Variants in ALAD observed in about 807,000 individuals in gnomAD.
The protein encoded by ALAD is delta-aminolevulinic acid dehydratase.
A neutral mutation model predicts 44.4 loss-of-function variants in ALAD; 20 were observed. That is an observed-to-expected ratio of 0.45 (90% CI 0.32 to 0.65). The LOEUF (loss-of-function observed/expected upper bound fraction) is 0.65, where lower values mean the gene tolerates loss of function less well. ALAD is among the 30% of genes least tolerant of loss of function. The pLI is 0.05. For synonymous variants in ALAD, 156 were observed against 167.9 expected, an observed-to-expected ratio of 0.93 and a Z score of 0.55; for missense variants, 323 against 445.7, an observed-to-expected ratio of 0.72 and a Z score of 2.48.
intron 1 of ALAD, among the ~76,000 whole-genome samples, chr9:113,394,110 C>T (rs1040938163): frequency 1.3e-4 from 20 of 151,418 alleles, no homozygotes; most frequent in Non-Finnish European, 2.4e-4. Context: ...AGCTAATTTT[C>T]GAATTTTTTG....
intron 1 of ALAD, among the ~76,000 whole-genome samples, chr9:113,394,397 G>T (rs1168545735): frequency 6.6e-6 from 1 of 151,320 alleles, no homozygotes; most frequent in African/African-American, 2.4e-5. Context: ...AATCAGCCAG[G>T]TGTGGTGGTC....
At chr9:113,395,949 T>C (rs1827714631) in intron 1 of ALAD, among the ~76,000 whole-genome samples, 2 of 151,918 alleles carry the variant, frequency 1.3e-5, no homozygotes, top group Admixed American at 1.3e-4. Flanking sequence ...ATCCCAGCAC[T>C]TTGGGAGGCC....
Position 113,387,820 on chromosome 9 carries a change from TG to T in ALAD, c.*479del. The T allele has an allele frequency of 4.7e-6, 1 of 211,986 alleles. No homozygotes were observed. The highest frequency in any genetic ancestry group is 1.1e-4 in the East Asian group (1 of 8,972). 13.1% of individuals were successfully genotyped at this position (211,986 alleles called of 1,614,324 possible). A position where few individuals can be genotyped will look rare whatever the true frequency, so the allele number is the denominator to read the frequency against. ...TGGCCTCGTGGGAAATGCCTTCCAG[TG>T]GAATTGCGGCAAATTTCAACTCTAA... On this transcript the variant is annotated 3_prime_UTR_variant, in exon 12 of 12. Coordinates refer to ENST00000409155, the MANE Select transcript of ALAD (RefSeq NM_000031.6).
At chr9:113,395,004 G>A (rs1304523094) in intron 1 of ALAD, among the ~76,000 whole-genome samples, 3 of 151,124 alleles carry the variant, frequency 2.0e-5, no homozygotes, top group African/African-American at 7.3e-5. Flanking sequence ...GCAGTAAGCC[G>A]AGATAGCGCC....
chr9:113,393,919 GCA>G (rs1827662559), intron 1 of ALAD, among the ~76,000 whole-genome samples: 1 of 151,582 alleles, frequency 6.6e-6, no homozygotes, highest in Non-Finnish European at 1.5e-5. Flanking sequence ...ATCTGAGCAA[GCA>G]ATGACTGTTT....
At position 113,391,621 on chromosome 9, in the gene ALAD, T is replaced by C. The variant is rs1827588638; in HGVS notation, c.167A>G (p.Tyr56Cys). ...CATCTCTTCCAGCCGCTTCACACCATACCTGTGTGGGTGTGGGTAGAGGGG... is the reference window on the plus strand; with the variant it reads ...CATCTCTTCCAGCCGCTTCACACCACACCTGTGTGGGTGTGGGTAGAGGGG... The part of the protein sequence containing the change: ...PITSLPGVAR[Y>C]GVKRLEEMLR... Residue 56 changes from tyrosine (Y) to cysteine (C), a missense_variant and splice_region_variant, in exon 4 of 12, where the codon TAT becomes TGT. Transcript: ENST00000409155. 1.9e-6 allele frequency: 3 copies of C among 1,609,922 alleles called. No individual in the cohort carries two copies. Among genetic ancestry groups the C allele is most frequent in the East Asian group, 4.5e-5 (2 of 44,832 alleles).
Position 113,389,055 on chromosome 9 carries a change from G to A in ALAD, c.853C>T (p.Leu285=), listed in dbSNP as rs61729493. The change falls in exon 11 of 12, where the codon CTG becomes TTG. Residue 285 remains leucine (L), a synonymous_variant. Coordinates refer to ENST00000409155, the MANE Select transcript of ALAD (RefSeq NM_000031.6). ...VYHVSGEFAM[L]WHGAQAGAFD... ...GCCCCGGCCTGGGCTCCATGCCACA[G>A]CATGGCAAACTCTCCAGAGACGTGG... is the stretch of plus-strand genomic sequence containing the variant. The A allele has an allele frequency of 2.2e-4, 352 of 1,614,000 alleles. No homozygotes were observed. The African/African-American group carries it at 4.2e-3, about 19-fold the overall frequency.
chr9:113,390,010 T>G (rs1297455888), intron 7 of ALAD, among the ~76,000 whole-genome samples, 182 bp from the exon 8 acceptor site: 2 of 151,990 alleles, frequency 1.3e-5, no homozygotes, highest in African/African-American at 4.8e-5. Flanking sequence ...CAAAGCCTCA[T>G]CCAGCACTGT....
At chr9:113,389,413 C>A in intron 10 of ALAD, 25 bp downstream of exon 10, 1 of 1,611,986 alleles carries the variant, frequency 6.2e-7, no homozygotes, top group Non-Finnish European at 8.5e-7. Flanking sequence ...CCCCTGAGCC[C>A]CCTTTGCCTC....
rs760212596 is a variant in ALAD, at chr9:113,392,148, C to G, written c.135G>C (p.Gln45His). The G allele has an allele frequency of 1.5e-5, 25 of 1,613,814 alleles. No individual in the cohort carries two copies. Among genetic ancestry groups the G allele is most frequent in the Non-Finnish European group, 2.0e-5 (24 of 1,179,968 alleles). ...IFVTDVPDDI[Q>H]PITSLPGVAR... is the part of the protein sequence containing the mutation. Reference sequence around the variant, plus strand: ...CCACTCCTGGGAGGCTGGTGATAGGCTGTATGTCATCAGGAACATCCCTGC... The same window carrying G: ...CCACTCCTGGGAGGCTGGTGATAGGGTGTATGTCATCAGGAACATCCCTGC... The change falls in exon 3 of 12, where the codon CAG (glutamine) becomes CAC (histidine). Residue 45 changes from glutamine to histidine, a missense_variant. Physicochemically the swap from Gln to His is conservative, Grantham distance 24. Coordinates refer to ENST00000409155, the MANE Select transcript of ALAD (RefSeq NM_000031.6).
At chr9:113,394,791 C>T (rs1222438922) in intron 1 of ALAD, among the ~76,000 whole-genome samples, 2 of 152,106 alleles carry the variant, frequency 1.3e-5, no homozygotes, top group African/African-American at 4.8e-5. Flanking sequence ...GCGGCTCACA[C>T]CTATAATCTC....
At chr9:113,393,775 TG>T in intron 1 of ALAD, 141 bp from the exon 2 acceptor site, 1 of 522,046 alleles carries the variant, frequency 1.9e-6, no homozygotes. Context: ...CAATCCCTGC[TG>T]GTCAACAAGG....
intron 7 of ALAD, 98 bp downstream of exon 7, chr9:113,390,307 C>T (rs1827533161): frequency 1.5e-6 from 2 of 1,304,528 alleles, no homozygotes; most frequent in Admixed American, 1.9e-5. Flanking sequence ...CAGGTGTGAG[C>T]CAACACGCCC....
intron 7 of ALAD, among the ~76,000 whole-genome samples, chr9:113,390,093 T>C (rs1357864805): frequency 1.3e-5 from 2 of 152,130 alleles, no homozygotes; most frequent in Non-Finnish European, 2.9e-5. Context: ...TGCAGTGGCA[T>C]GATCTCAGCT....
intron 1 of ALAD, 94 bp from the exon 2 acceptor site, chr9:113,393,728 C>T: frequency 1.6e-6 from 1 of 620,622 alleles, no homozygotes; most frequent in Admixed American, 2.5e-5. Context: ...CCTGCCTCCC[C>T]TCTCTCTAGC....
rs1413986835 is a variant in ALAD at position 113,387,839 on chromosome 9, A to G, written c.*461T>C. 4.7e-6 allele frequency: 1 copy of G among 213,298 alleles called. No homozygotes were observed. Among genetic ancestry groups the G allele is most frequent in the African/African-American group, 2.3e-5 (1 of 43,814 alleles). The allele number at this position is 213,298 out of a possible 1,614,324, so 13.2% of individuals were successfully genotyped here. On this transcript the variant is annotated 3_prime_UTR_variant, in exon 12 of 12. Transcript: ENST00000409155. The stretch of plus-strand genomic sequence containing the variant: ...TTCCAGTGGAATTGCGGCAAATTTC[A>G]ACTCTAACCCAGGGATATCGATCTA...
At chr9:113,397,461 T>A (rs1827759522) in intron 1 of ALAD, 1 of 152,166 alleles carries the variant, frequency 6.6e-6, no homozygotes, top group African/African-American at 2.4e-5. Flanking sequence ...GCCACACCCC[T>A]GGGTGGGCCA....
chr9:113,392,566 A>G (rs1208299850), intron 2 of ALAD: 2 of 246,214 alleles, frequency 8.1e-6, no homozygotes, highest in Non-Finnish European at 1.6e-5. Context: ...CATTCATTCA[A>G]CAAATATTTA....
rs778915076 is a variant in ALAD, at chr9:113,390,758, T to A, written c.397+40A>T. ...CCTGTTGAGAAGTGGGCAGTAGGAG[T>A]GTGGGTGGCAGCAGGGCTGGTGGGA... is the stretch of plus-strand genomic sequence containing the variant. On this transcript the variant is annotated intron_variant, in intron 5 of 11. Transcript: ENST00000409155. 9 of 1,597,180 alleles carry A rather than the reference T, an allele frequency of 5.6e-6. No homozygotes were observed. In the South Asian group the frequency reaches 1.0e-4, roughly 18 times the overall value.
Sources: allele counts gnomAD v4.1 joint callset (sites outside exome capture counted in the v4.1 genomes callset), GRCh38; gene constraint gnomAD v4.1.1; transcripts MANE v1.5; gene names NCBI Gene and HGNC (gene_info 2026-07-23, HGNC 2026-07-21).